FAF1: variants seen among roughly 807,000 people sequenced by gnomAD.
The protein encoded by FAF1 is FAS-associated factor 1.
In FAF1, 25 loss-of-function variants were observed where a neutral mutation model predicts 92.5. The observed-to-expected ratio is 0.27, with a 90% CI of 0.20 to 0.38. The LOEUF (loss-of-function observed/expected upper bound fraction) is 0.38, where lower values mean the gene tolerates loss of function less well. Among genes scored for constraint, FAF1 ranks in the 10% least tolerant of loss-of-function variants. FAF1 has a pLI of 1.00. For synonymous variants in FAF1, 234 were observed against 273.2 expected (o/e 0.86, Z 1.42); for missense variants, 636 against 793.3 (o/e 0.80, Z 2.38).
intron 1 of FAF1, among the ~76,000 whole-genome samples, chr1:50,924,452 A>G (rs546867488): frequency 2.2e-4 from 33 of 152,212 alleles, no homozygotes; most frequent in Non-Finnish European, 3.1e-4. Flanking sequence ...CTCATTGATT[A>G]GAAGAATTAA....
chr1:50,874,640 T>G (rs1309782694), intron 1 of FAF1, among the ~76,000 whole-genome samples: 1 of 152,126 alleles, frequency 6.6e-6, no homozygotes, highest in African/African-American at 2.4e-5. Context: ...ATTACTGGCA[T>G]TAGCCACCAT....
chr1:50,785,126 C>T (rs1000936462), intron 4 of FAF1, among the ~76,000 whole-genome samples: 7 of 115,754 alleles, frequency 6.0e-5, no homozygotes, highest in Non-Finnish European at 1.2e-4. Flanking sequence ...GAGCAAGACC[C>T]TATCTCAAAA....
chr1:50,647,714 T>G (rs1654657011), intron 8 of FAF1, among the ~76,000 whole-genome samples: 1 of 152,212 alleles, frequency 6.6e-6, no homozygotes, highest in South Asian at 2.1e-4. Context: ...AACTACTGAC[T>G]CTTTAATCTT....
intron 1 of FAF1, among the ~76,000 whole-genome samples, chr1:50,922,592 G>A (rs1644973714): frequency 6.6e-6 from 1 of 151,630 alleles, no homozygotes; most frequent in Non-Finnish European, 1.5e-5. Context: ...GCCGAGGAGG[G>A]TGGATCACCT....
intron 9 of FAF1, among the ~76,000 whole-genome samples, chr1:50,594,570 T>C (rs1358029028): frequency 7.2e-6 from 1 of 139,582 alleles, no homozygotes; most frequent in Non-Finnish European, 1.5e-5. Context: ...TAATATTCTT[T>C]AGGCTTGGGC....
intron 2 of FAF1, among the ~76,000 whole-genome samples, chr1:50,818,085 C>T (rs1348668191): frequency 1.3e-5 from 2 of 152,124 alleles, no homozygotes; most frequent in Non-Finnish European, 2.9e-5. Context: ...GTGTTAGTTA[C>T]ACAGGTGCAC....
intron 15 of FAF1, among the ~76,000 whole-genome samples, chr1:50,528,709 T>C (rs1467119676): frequency 1.3e-5 from 2 of 151,076 alleles, no homozygotes; most frequent in Non-Finnish European, 3.0e-5. Flanking sequence ...ACATGGAGAG[T>C]TTTTTCAATA....
intron 4 of FAF1, among the ~76,000 whole-genome samples, chr1:50,775,063 T>G (rs186845024): frequency 1.7e-4 from 26 of 152,246 alleles, no homozygotes; most frequent in Admixed American, 1.6e-3. Flanking sequence ...TGATTGAGCA[T>G]CTCTTTGCAT....
chr1:50,624,015 GAAGAAGA>G (rs971250203), intron 8 of FAF1, among the ~76,000 whole-genome samples: 14 of 125,784 alleles, frequency 1.1e-4, no homozygotes, highest in South Asian at 9.1e-4. Flanking sequence ...GAAGAAAGAA[GAAGAAGA>G]AAGAAGAAAG....
intron 18 of FAF1, among the ~76,000 whole-genome samples, chr1:50,447,948 C>T (rs1270478173): frequency 6.6e-6 from 1 of 152,184 alleles, no homozygotes; most frequent in East Asian, 1.9e-4. Context: ...AGCAGTATGA[C>T]TTTGGACGAG....
At chr1:50,957,271 T>C (rs759627354) in intron 1 of FAF1, among the ~76,000 whole-genome samples, 15 of 152,042 alleles carry the variant, frequency 9.9e-5, no homozygotes, top group Admixed American at 1.3e-4. Flanking sequence ...TTTTAAACAA[T>C]TGTGTATAGC....
In FAF1 at chr1:50,739,904, A is replaced by G. The variant is rs1569864196; in HGVS notation, c.460-950T>C. Among the ~76,000 whole-genome samples, 4 of 152,306 alleles carry G rather than the reference A, an allele frequency of 2.6e-5. No homozygotes were observed. The South Asian group carries it at 8.3e-4, about 32-fold the overall frequency. ...CAAATTTCTTTGCCAGAAAATTCAC[A>G]TACATTTCAAACTCCTAACCTGAAG... On this transcript the variant is annotated intron_variant, in intron 5 of 18. Transcript: ENST00000396153.
chr1:50,736,490 C>T (rs1326540818), intron 6 of FAF1, among the ~76,000 whole-genome samples: 1 of 152,206 alleles, frequency 6.6e-6, no homozygotes, highest in Non-Finnish European at 1.5e-5. Context: ...TGGCTCACGC[C>T]TGTAATCCCA....
chr1:50,487,436 A>G (rs917572372), intron 17 of FAF1, among the ~76,000 whole-genome samples: 2 of 152,172 alleles, frequency 1.3e-5, no homozygotes, highest in South Asian at 2.1e-4. Context: ...CTTTATTTCT[A>G]TATCTACTCT....
At chr1:50,723,792 A>C (rs540293998) in intron 6 of FAF1, among the ~76,000 whole-genome samples, 2 of 151,800 alleles carry the variant, frequency 1.3e-5, no homozygotes, top group South Asian at 4.2e-4. Flanking sequence ...CAGGTTGCCC[A>C]AGCTGGAGTG....
chr1:50,443,974 G>A (rs1646199377), intron 18 of FAF1, among the ~76,000 whole-genome samples: 1 of 152,194 alleles, frequency 6.6e-6, no homozygotes, highest in East Asian at 1.9e-4. Flanking sequence ...CAGTGAGGCT[G>A]TGTCACCATT....
At chr1:50,893,785 T>A (rs1644737695) in intron 1 of FAF1, among the ~76,000 whole-genome samples, 1 of 152,160 alleles carries the variant, frequency 6.6e-6, no homozygotes, top group Admixed American at 6.5e-5. Context: ...GCATGAAAAT[T>A]TCCCCCTAGG....
At chr1:50,451,788 C>T in intron 18 of FAF1, 1 of 972,922 alleles carries the variant, frequency 1.0e-6, no homozygotes, top group East Asian at 1.1e-4. Flanking sequence ...GTGGAAAGAA[C>T]TTACCCAAGT....
rs539209180 is a variant in FAF1 at position 50,773,703 on chromosome 1, G to A, written c.367+14297C>T. Among the ~76,000 whole-genome samples, 116 of 152,286 alleles carry A rather than the reference G, an allele frequency of 7.6e-4. 1 individual carries two copies. Among genetic ancestry groups the A allele is most frequent in the African/African-American group, 2.7e-3 (111 of 41,574 alleles). On this transcript the variant is annotated intron_variant, in intron 4 of 18. Transcript: ENST00000396153. ...GCATACAGTGAGCTCCGTGGATAAAGAGAAAATATCAATCAGAGGGTCTCT... is the reference window on the plus strand; with the variant it reads ...GCATACAGTGAGCTCCGTGGATAAAAAGAAAATATCAATCAGAGGGTCTCT...
Sources: gnomAD v4.1 joint callset for allele counts (sites outside exome capture counted in the v4.1 genomes callset) on GRCh38, gnomAD v4.1.1 for gene constraint, MANE v1.5 for transcripts, NCBI Gene and HGNC (gene_info 2026-07-23, HGNC 2026-07-21) for gene names.